Variants in SCAMP1 observed in about 807,000 individuals in gnomAD.
The protein encoded by SCAMP1 is secretory carrier membrane protein 1.
A neutral mutation model predicts 41.8 loss-of-function variants in SCAMP1; 15 were observed. The observed-to-expected ratio is 0.36, with a 90% CI of 0.24 to 0.55. SCAMP1 has a LOEUF of 0.55. Among genes scored for constraint, SCAMP1 ranks in the 20% least tolerant of loss-of-function variants. The pLI is 0.86. For missense variants in SCAMP1, 341 were observed against 412.6 expected, an observed-to-expected ratio of 0.83 and a Z score of 1.50; for synonymous variants, 135 against 136.8, an observed-to-expected ratio of 0.99 and a Z score of 0.09.
At chr5:78,414,705 A>G (rs944546965) in intron 2 of SCAMP1, among the ~76,000 whole-genome samples, 1 of 152,166 alleles carries the variant, frequency 6.6e-6, no homozygotes, top group South Asian at 2.1e-4. Context: ...GTAGATGTCT[A>G]CTTCCTGATC....
chr5:78,403,315 TAATAAG>T (rs1419513770), intron 2 of SCAMP1, among the ~76,000 whole-genome samples: 1 of 152,200 alleles, frequency 6.6e-6, no homozygotes, highest in Non-Finnish European at 1.5e-5. Context: ...GAGTGCCTTA[TAATAAG>T]AATATGATTC....
intron 6 of SCAMP1, among the ~76,000 whole-genome samples, chr5:78,443,905 C>T (rs1288561508): frequency 2.0e-5 from 3 of 152,046 alleles, no homozygotes; most frequent in African/African-American, 7.2e-5. Flanking sequence ...GAACCTCCCA[C>T]CTTGGCTCCT....
rs137996766 is a variant in SCAMP1 at position 78,460,821 on chromosome 5, CTTTCTT to C, written c.852+1460_852+1465del. 4.3e-3 allele frequency among the ~76,000 whole-genome samples: 106 copies of C among 24,712 alleles called. 7 individuals are homozygous for C. Among genetic ancestry groups the C allele is most frequent in the East Asian group, 0.011 (9 of 806 alleles). The allele number at this position is 24,712 out of a possible 152,430, so 16.2% of individuals were successfully genotyped here. A position where few individuals can be genotyped will look rare whatever the true frequency, so the allele number is the denominator to read the frequency against. On this transcript the variant is annotated intron_variant, in intron 8 of 8. Transcript: ENST00000621999. ...CCTTCCTTCCTCCCTTCCTTCCTTC[CTTTCTT>C]GTCTTTCCTCTATCTGTCTCTCTTT...
chr5:78,425,113 A>G (rs1752434129), intron 6 of SCAMP1, among the ~76,000 whole-genome samples: 1 of 152,202 alleles, frequency 6.6e-6, no homozygotes, highest in Non-Finnish European at 1.5e-5. Flanking sequence ...CTTAGATTTT[A>G]TCATTTACAT....
chr5:78,459,088 A>G (rs1054069736), intron 7 of SCAMP1, among the ~76,000 whole-genome samples, 157 bp from the exon 8 acceptor site: 4 of 152,214 alleles, frequency 2.6e-5, no homozygotes, highest in African/African-American at 7.2e-5. Context: ...AACAGCATCT[A>G]TCCTATTGGG....
chr5:78,454,912 G>T (rs1753346468), intron 7 of SCAMP1, among the ~76,000 whole-genome samples: 1 of 152,112 alleles, frequency 6.6e-6, no homozygotes, highest in Admixed American at 6.5e-5. Flanking sequence ...TTAGTCTTGG[G>T]AGAGTGTATG....
intron 8 of SCAMP1, among the ~76,000 whole-genome samples, chr5:78,468,893 C>T (rs1406374495): frequency 6.6e-6 from 1 of 152,098 alleles, no homozygotes; most frequent in Admixed American, 6.6e-5. Flanking sequence ...TGAAAAGTGA[C>T]TCTTACAGTT....
intron 7 of SCAMP1, among the ~76,000 whole-genome samples, chr5:78,458,666 G>A (rs566727915): frequency 6.6e-5 from 10 of 152,308 alleles, no homozygotes; most frequent in African/African-American, 2.4e-4. Context: ...TGGATCACGA[G>A]GTCAGGAGTT....
chr5:78,403,782 A>G (rs1015318202), intron 2 of SCAMP1, among the ~76,000 whole-genome samples: 1 of 150,262 alleles, frequency 6.7e-6, no homozygotes, highest in Admixed American at 6.6e-5. Flanking sequence ...CCTGGCCAAC[A>G]TGGTGAAACC....
chr5:78,402,666 T>C (rs10942851), intron 2 of SCAMP1, among the ~76,000 whole-genome samples: 68,366 of 152,016 alleles, frequency 0.45, 16,191 homozygotes, highest in Non-Finnish European at 0.51. Context: ...TTACTTCTAA[T>C]CCATATGTTT....
intron 6 of SCAMP1, among the ~76,000 whole-genome samples, chr5:78,435,383 C>G (rs1220603801): frequency 6.6e-6 from 1 of 152,176 alleles, no homozygotes; most frequent in Non-Finnish European, 1.5e-5. Flanking sequence ...TATCCCTCCT[C>G]CAGCCCCCAA....
intron 6 of SCAMP1, among the ~76,000 whole-genome samples, chr5:78,449,664 A>G (rs113058063): frequency 2.0e-5 from 3 of 152,182 alleles, no homozygotes; most frequent in African/African-American, 4.8e-5. Context: ...TTTTTTGTCA[A>G]GAGGGATTGT....
At chr5:78,387,608 A>C (rs1751376143) in intron 1 of SCAMP1, among the ~76,000 whole-genome samples, 1 of 151,944 alleles carries the variant, frequency 6.6e-6, no homozygotes, top group South Asian at 2.1e-4. Flanking sequence ...AAGATCTGGA[A>C]CTCAAGGGCT....
chr5:78,468,786 G>A (rs909750408), intron 8 of SCAMP1, among the ~76,000 whole-genome samples: 2 of 152,126 alleles, frequency 1.3e-5, no homozygotes, highest in African/African-American at 4.8e-5. Flanking sequence ...TTGGGTCTAT[G>A]ATAGAGAACA....
At chr5:78,376,220 C>T (rs559926592) in intron 1 of SCAMP1, among the ~76,000 whole-genome samples, 3 of 151,948 alleles carry the variant, frequency 2.0e-5, no homozygotes, top group South Asian at 2.1e-4. Context: ...ATAGAACTTA[C>T]GTTGAAATAT....
intron 7 of SCAMP1, among the ~76,000 whole-genome samples, chr5:78,450,279 A>T (rs572331535): frequency 7.9e-5 from 12 of 152,302 alleles, no homozygotes; most frequent in Admixed American, 2.0e-4. Flanking sequence ...ACATGTATGT[A>T]AGGGCGCTAA....
intron 1 of SCAMP1, among the ~76,000 whole-genome samples, chr5:78,387,261 T>TAGA (rs933491120): frequency 1.3e-5 from 2 of 151,376 alleles, no homozygotes; most frequent in Non-Finnish European, 2.9e-5. Flanking sequence ...GACTTTCCAG[T>TAGA]ACATTTTTCA....
intron 1 of SCAMP1, among the ~76,000 whole-genome samples, chr5:78,382,519 C>A (rs1751228984): frequency 6.6e-6 from 1 of 152,122 alleles, no homozygotes; most frequent in Admixed American, 6.5e-5. Flanking sequence ...GCACCTGTCA[C>A]CCGAGCAGTG....
chr5:78,452,099 G>A (rs1408297658), intron 7 of SCAMP1, among the ~76,000 whole-genome samples: 1 of 151,994 alleles, frequency 6.6e-6, no homozygotes, highest in African/African-American at 2.4e-5. Context: ...AGATTTTTGT[G>A]TGAACATAAT....
Sources: allele counts gnomAD v4.1 joint callset (sites outside exome capture counted in the v4.1 genomes callset), GRCh38; gene constraint gnomAD v4.1.1; transcripts MANE v1.5; gene names NCBI Gene and HGNC (gene_info 2026-07-23, HGNC 2026-07-21).